Variants in RBP2 observed in about 807,000 individuals in gnomAD.
RBP2 encodes the protein retinol-binding protein 2.
A neutral mutation model predicts 17.0 loss-of-function variants in RBP2; 17 were observed. That is an observed-to-expected ratio of 1.00 (90% CI 0.68 to 1.50). RBP2 has a LOEUF of 1.50. Ranked by LOEUF, RBP2 falls within the 40% of genes most tolerant of loss-of-function variation. The probability of loss-of-function intolerance (pLI) is 0.00; values close to 1 mark genes in which losing one functional copy is unlikely to be tolerated. For synonymous variants in RBP2, 48 were observed against 57.1 expected, an observed-to-expected ratio of 0.84 and a Z score of 0.72; for missense variants, 158 against 168.2, an observed-to-expected ratio of 0.94 and a Z score of 0.33.
chr3:139,462,332 C>G, intron 1 of RBP2, 42 bp from the exon 2 acceptor site: 1 of 1,589,328 alleles, frequency 6.3e-7, no homozygotes, highest in Non-Finnish European at 8.6e-7. Flanking sequence ...TGTGCTCAGC[C>G]AGACTCATTC....
intron 1 of RBP2, among the ~76,000 whole-genome samples, chr3:139,476,152 C>T (rs188862011): frequency 4.1e-4 from 63 of 152,204 alleles, no homozygotes; most frequent in African/African-American, 1.5e-3. Context: ...TTTCTGTGGG[C>T]CAGGCACTGT....
intron 1 of RBP2, among the ~76,000 whole-genome samples, chr3:139,476,022 G>A (rs1282767326): frequency 6.6e-6 from 1 of 152,126 alleles, no homozygotes; most frequent in Non-Finnish European, 1.5e-5. Flanking sequence ...ATAATATCAG[G>A]TCCAAGTGGT....
At chr3:139,469,687 G>GTCTGTCTATCTA (rs1432677359) in intron 1 of RBP2, among the ~76,000 whole-genome samples, 2,669 of 132,908 alleles carry the variant, frequency 0.02, 46 homozygotes, top group Non-Finnish European at 0.028. Context: ...CTGTCTGTCT[G>GTCTGTCTATCTA]TCTATCTATC....
intron 1 of RBP2, among the ~76,000 whole-genome samples, chr3:139,469,413 C>T (rs1386095493): frequency 6.6e-6 from 1 of 152,152 alleles, no homozygotes; most frequent in South Asian, 2.1e-4. Flanking sequence ...TAGTCTACTG[C>T]ATGCTTACTG....
chr3:139,459,400 A>ATGTGTGTGTGTGTGTGTGTGTGTGTGTG (rs57107462), intron 2 of RBP2, among the ~76,000 whole-genome samples: 1 of 128,552 alleles, frequency 7.8e-6, no homozygotes, highest in African/African-American at 2.9e-5. Context: ...TACTATATAT[A>ATGTGTGTGTGTGTGTGTGTGTGTGTGTG]TGTGTGTGTG....
chr3:139,460,591 G>A (rs770039009), intron 2 of RBP2, among the ~76,000 whole-genome samples: 5 of 152,080 alleles, frequency 3.3e-5, no homozygotes, highest in East Asian at 1.9e-4. Flanking sequence ...CATTGCTTTC[G>A]GGGAGAGTTG....
At position 139,476,489 on chromosome 3, in the gene RBP2, GT is replaced by G; in HGVS notation, c.-31del. 1 of 1,601,586 alleles carries G rather than the reference GT, an allele frequency of 6.2e-7. No individual in the cohort carries two copies. Among genetic ancestry groups the G allele is most frequent in the Non-Finnish European group, 8.6e-7 (1 of 1,168,824 alleles). ...GTGGCCACTGGTTCGGTGAGGGTTT[GT>G]GGTGGATGGCAAGGAGCAGGCTGCA... On this transcript the variant is annotated 5_prime_UTR_variant, in exon 1 of 4. Coordinates refer to ENST00000232217, the MANE Select transcript of RBP2 (RefSeq NM_004164.3).
intron 3 of RBP2, among the ~76,000 whole-genome samples, chr3:139,453,592 C>T (rs1943347378): frequency 6.6e-6 from 1 of 152,238 alleles, no homozygotes; most frequent in African/African-American, 2.4e-5. Flanking sequence ...GTGATTAGAA[C>T]ATTGGCTGGT....
chr3:139,459,913 TTCTC>T (rs1385339804), intron 2 of RBP2, among the ~76,000 whole-genome samples: 1 of 152,092 alleles, frequency 6.6e-6, no homozygotes, highest in African/African-American at 2.4e-5. Context: ...GGAAAGAGGA[TTCTC>T]TCTCTTTCTG....
chr3:139,460,693 G>C (rs938271522), intron 2 of RBP2, among the ~76,000 whole-genome samples: 1 of 152,108 alleles, frequency 6.6e-6, no homozygotes, highest in African/African-American at 2.4e-5. Flanking sequence ...TCATGGTGAG[G>C]GGGGCAGGGC....
intron 2 of RBP2, 97 bp from the exon 3 acceptor site, chr3:139,454,927 C>A: frequency 8.2e-7 from 1 of 1,217,164 alleles, no homozygotes; most frequent in South Asian, 1.3e-5. Context: ...ATTTCAGGGT[C>A]TTGCTTACTC....
At chr3:139,467,891 C>G (rs1396768386) in intron 1 of RBP2, among the ~76,000 whole-genome samples, 1 of 152,122 alleles carries the variant, frequency 6.6e-6, no homozygotes, top group African/African-American at 2.4e-5. Flanking sequence ...GGCATTTTAT[C>G]CAGCCTGGCA....
intron 2 of RBP2, among the ~76,000 whole-genome samples, chr3:139,456,402 C>T (rs1039077553): frequency 6.6e-6 from 1 of 152,202 alleles, no homozygotes; most frequent in Admixed American, 6.5e-5. Context: ...TATTCCTTCT[C>T]ATTTTACTCC....
At chr3:139,456,667 A>G (rs1932975509) in intron 2 of RBP2, among the ~76,000 whole-genome samples, 1 of 152,218 alleles carries the variant, frequency 6.6e-6, no homozygotes, top group Non-Finnish European at 1.5e-5. Context: ...CTTACTAGTG[A>G]TTGTCCCTGA....
intron 2 of RBP2, among the ~76,000 whole-genome samples, chr3:139,456,594 G>T (rs1194292786): frequency 6.6e-6 from 1 of 152,172 alleles, no homozygotes; most frequent in Non-Finnish European, 1.5e-5. Context: ...TAAAGCAGAC[G>T]GGGGTGGGTA....
At chr3:139,457,432 T>TG (rs1933010895) in intron 2 of RBP2, among the ~76,000 whole-genome samples, 1 of 152,146 alleles carries the variant, frequency 6.6e-6, no homozygotes, top group Non-Finnish European at 1.5e-5. Context: ...GCAAATTTTA[T>TG]GGAAGGAAGG....
intron 2 of RBP2, among the ~76,000 whole-genome samples, chr3:139,459,856 G>A (rs1456858281): frequency 6.7e-6 from 1 of 149,650 alleles, no homozygotes. Flanking sequence ...GTGTGTGTGT[G>A]CATTCACTCT....
chr3:139,459,398 A>ATGTGTGTGTGTG (rs201355065), intron 2 of RBP2, among the ~76,000 whole-genome samples: 1 of 36,194 alleles, frequency 2.8e-5, no homozygotes, highest in African/African-American at 6.9e-5. Flanking sequence ...TCTACTATAT[A>ATGTGTGTGTGTG]TATGTGTGTG....
At chr3:139,467,944 G>C (rs182094613) in intron 1 of RBP2, among the ~76,000 whole-genome samples, 291 of 152,062 alleles carry the variant, frequency 1.9e-3, no homozygotes, top group Non-Finnish European at 3.5e-3. Flanking sequence ...TCTATAGTCT[G>C]GTGATGGGTA....
Sources: allele counts gnomAD v4.1 joint callset (sites outside exome capture counted in the v4.1 genomes callset), GRCh38; gene constraint gnomAD v4.1.1; transcripts MANE v1.5; gene names NCBI Gene and HGNC (gene_info 2026-07-23, HGNC 2026-07-21).